SENP5: variants seen among roughly 807,000 people sequenced by gnomAD.
The protein encoded by SENP5 is SUMO specific peptidase 5.
SENP5 carries 21 observed loss-of-function variants against 74.2 expected under a neutral mutation model. The observed-to-expected ratio is 0.28, with a 90% CI of 0.20 to 0.41. SENP5 has a LOEUF of 0.41. Among genes scored for constraint, SENP5 ranks in the 10% least tolerant of loss-of-function variants. SENP5 has a pLI of 1.00. For missense variants in SENP5, 717 were observed against 889.1 expected (o/e 0.81, Z 2.46); for synonymous variants, 311 against 312.7 (o/e 0.99, Z 0.06).
chr3:196,914,879 C>G (rs1213264057), intron 6 of SENP5, among the ~76,000 whole-genome samples: 4 of 151,998 alleles, frequency 2.6e-5, no homozygotes, highest in Non-Finnish European at 5.9e-5. Flanking sequence ...CTACACCACC[C>G]CTTCCCTATC....
chr3:196,878,666 A>C lies in SENP5; in HGVS notation c.-31-6485A>C, dbSNP rs538166126. On this transcript the variant is annotated intron_variant, in intron 1 of 9. Transcript: ENST00000323460. Reference sequence around the variant, plus strand: ...GAGTACGGTGGCATGATCTCCGCTCACTGCAATCTCCGTCTCTCGGGTTCA... The same window carrying C: ...GAGTACGGTGGCATGATCTCCGCTCCCTGCAATCTCCGTCTCTCGGGTTCA... Among the ~76,000 whole-genome samples the C allele has an allele frequency of 3.8e-4, 58 of 152,228 alleles. 1 individual carries two copies. The highest frequency in any genetic ancestry group is 7.5e-4 in the Non-Finnish European group (51 of 68,000).
intron 2 of SENP5, among the ~76,000 whole-genome samples, chr3:196,895,040 G>A (rs2108829546): frequency 6.6e-6 from 1 of 152,284 alleles, no homozygotes; most frequent in East Asian, 1.9e-4. Context: ...TATGCACTGT[G>A]TTTTGTTGGA....
intron 6 of SENP5, among the ~76,000 whole-genome samples, chr3:196,922,686 T>C (rs1577845772): frequency 6.6e-6 from 1 of 152,132 alleles, no homozygotes; most frequent in African/African-American, 2.4e-5. Context: ...AGTGGTGCAA[T>C]CTCTGCTCAG....
At chr3:196,878,350 GACTT>G (rs1713570988) in intron 1 of SENP5, among the ~76,000 whole-genome samples, 1 of 152,148 alleles carries the variant, frequency 6.6e-6, no homozygotes, top group South Asian at 2.1e-4. Flanking sequence ...GGTAACTAGA[GACTT>G]ACTATCTGGA....
rs993670855 is a variant in SENP5, at chr3:196,900,361, A to G, written c.1759-4A>G. 1.9e-6 allele frequency: 3 copies of G among 1,600,888 alleles called. No homozygotes were observed. Among genetic ancestry groups the G allele is most frequent in the East Asian group, 2.2e-5 (1 of 44,736 alleles). ...TAAGCTGGTTTTATGTTGACTTTTTATAGGTCATTAATATGTATGGTGAGC... is the reference window on the plus strand; with the variant it reads ...TAAGCTGGTTTTATGTTGACTTTTTGTAGGTCATTAATATGTATGGTGAGC... On this transcript the variant is annotated splice_region_variant and splice_polypyrimidine_tract_variant and intron_variant, in intron 4 of 9. Coordinates refer to ENST00000323460, the MANE Select transcript of SENP5 (RefSeq NM_152699.5).
rs778582359 is a variant in SENP5, at chr3:196,930,899, A to G, written c.2244A>G (p.Leu748=). 4.3e-6 allele frequency: 7 copies of G among 1,613,444 alleles called. No homozygotes were observed. The highest frequency in any genetic ancestry group is 1.6e-4 in the Middle Eastern group (1 of 6,084). The stretch of plus-strand genomic sequence containing the variant: ...TGCGGAAGAGGATTTACAAGGAGCT[A>G]TGTGAGTGCCGGCTCATGGACTGAA... ...PRVRKRIYKE[L]CECRLMD The change falls in exon 10 of 10, where the codon CTA becomes CTG. Residue 748 remains leucine (L), a synonymous_variant. Coordinates refer to ENST00000323460, the MANE Select transcript of SENP5 (RefSeq NM_152699.5).
intron 6 of SENP5, among the ~76,000 whole-genome samples, chr3:196,917,295 GAA>G (rs889558444): frequency 3.3e-5 from 5 of 152,002 alleles, no homozygotes; most frequent in African/African-American, 1.2e-4. Flanking sequence ...ACACAGAGGA[GAA>G]AAAAGAATGA....
intron 1 of SENP5, among the ~76,000 whole-genome samples, chr3:196,874,889 G>C (rs931867994): frequency 6.6e-6 from 1 of 151,942 alleles, no homozygotes; most frequent in African/African-American, 2.4e-5. Flanking sequence ...AAAATTCCTA[G>C]AGTTCCTTGG....
At chr3:196,914,586 A>AAAAAAAAAAAAATATATATATATAT in intron 6 of SENP5, 4 of 33,496 alleles carry the variant, frequency 1.2e-4, no homozygotes, top group Admixed American at 3.1e-4. Flanking sequence ...AAAAAAAAAA[A>AAAAAAAAAAAAATATATATATATAT]ATATATATAT....
chr3:196,918,488 C>A (rs1715478576), intron 6 of SENP5, among the ~76,000 whole-genome samples: 1 of 149,028 alleles, frequency 6.7e-6, no homozygotes. Flanking sequence ...TTTGAGGTAA[C>A]CATGTAACCT....
chr3:196,920,323 G>C (rs1447113160), intron 6 of SENP5, among the ~76,000 whole-genome samples: 1 of 152,128 alleles, frequency 6.6e-6, no homozygotes, highest in Non-Finnish European at 1.5e-5. Flanking sequence ...GCTATGAACA[G>C]AATTTTAAAA....
chr3:196,867,925 A>C lies in SENP5; in HGVS notation c.-180A>C, dbSNP rs1712993596. 6.6e-6 allele frequency: 1 copy of C among 152,190 alleles called. No homozygotes were observed. Among genetic ancestry groups the C allele is most frequent in the South Asian group, 2.1e-4 (1 of 4,842 alleles). 9.4% of individuals were successfully genotyped at this position (152,190 alleles called of 1,614,324 possible). A position where few individuals can be genotyped will look rare whatever the true frequency, so the allele number is the denominator to read the frequency against. ...GGCGTCGCGGCAGCCGCTTCAGAGGAAGCTCGGCGGCTGTGGCCGCGGCGA... is the reference window on the plus strand; with the variant it reads ...GGCGTCGCGGCAGCCGCTTCAGAGGCAGCTCGGCGGCTGTGGCCGCGGCGA... On this transcript the variant is annotated 5_prime_UTR_variant, in exon 1 of 10. Coordinates refer to ENST00000323460, the MANE Select transcript of SENP5 (RefSeq NM_152699.5).
intron 2 of SENP5, among the ~76,000 whole-genome samples, chr3:196,888,510 G>A (rs1333107827): frequency 1.3e-5 from 2 of 152,004 alleles, no homozygotes; most frequent in Non-Finnish European, 2.9e-5. Flanking sequence ...CTTGAACCTG[G>A]GAGGCGGAGG....
intron 6 of SENP5, among the ~76,000 whole-genome samples, chr3:196,913,588 A>G (rs1715226170): frequency 6.6e-6 from 1 of 151,012 alleles, no homozygotes; most frequent in Non-Finnish European, 1.5e-5. Flanking sequence ...AAACAAAAAA[A>G]ACTAGTAAGA....
chr3:196,897,614 C>T (rs570569056), intron 2 of SENP5, among the ~76,000 whole-genome samples: 9 of 152,318 alleles, frequency 5.9e-5, no homozygotes, highest in African/African-American at 2.2e-4. Flanking sequence ...ACACTTCATT[C>T]CCAAGACACT....
chr3:196,874,059 A>G (rs1713345807), intron 1 of SENP5, among the ~76,000 whole-genome samples: 1 of 150,704 alleles, frequency 6.6e-6, no homozygotes. Context: ...TTAGGTACTC[A>G]GAAGGCTAAG....
rs1407702356 is a variant in SENP5 at position 196,933,041 on chromosome 3, A to AC, written c.*2118_*2119insC. On this transcript the variant is annotated 3_prime_UTR_variant, in exon 10 of 10. Coordinates refer to ENST00000323460, the MANE Select transcript of SENP5 (RefSeq NM_152699.5). ...TTTTGTTTTTTTTTTTTTTTGAGTC[A>AC]GAGTCTCACTGTCCCTCAGGCTGGA... 1 of 48,822 alleles carries AC rather than the reference A, an allele frequency of 2.0e-5. No homozygotes were observed. Among genetic ancestry groups the AC allele is most frequent in the East Asian group, 1.1e-3 (1 of 898 alleles). 3.0% of individuals were successfully genotyped at this position (48,822 alleles called of 1,614,324 possible).
rs893769136 is a variant in SENP5 at position 196,932,017 on chromosome 3, A to T, written c.*1094A>T. The T allele has an allele frequency of 4.9e-6, 2 of 410,514 alleles. No individual in the cohort carries two copies. Among genetic ancestry groups the T allele is most frequent in the Non-Finnish European group, 9.6e-6 (2 of 207,270 alleles). 25.4% of individuals were successfully genotyped at this position (410,514 alleles called of 1,614,324 possible). A position where few individuals can be genotyped will look rare whatever the true frequency, so the allele number is the denominator to read the frequency against. ...CTGTCCCATTAGTGACCTCAGTAACATGCAGGGTACGTCTGGCTTCTGCAT... is the reference window on the plus strand; with the variant it reads ...CTGTCCCATTAGTGACCTCAGTAACTTGCAGGGTACGTCTGGCTTCTGCAT... On this transcript the variant is annotated 3_prime_UTR_variant, in exon 10 of 10. Transcript: ENST00000323460.
At chr3:196,907,707 A>G (rs1445858654) in intron 6 of SENP5, among the ~76,000 whole-genome samples, 1 of 152,182 alleles carries the variant, frequency 6.6e-6, no homozygotes, top group African/African-American at 2.4e-5. Context: ...GTCTTGGGCC[A>G]CACATAAAAT....
Sources: allele counts gnomAD v4.1 joint callset (sites outside exome capture counted in the v4.1 genomes callset), GRCh38; gene constraint gnomAD v4.1.1; transcripts MANE v1.5; gene names NCBI Gene and HGNC (gene_info 2026-07-23, HGNC 2026-07-21).